Variants in LMBR1 observed in about 807,000 individuals in gnomAD.
The protein encoded by LMBR1 is limb development membrane protein 1.
Under a neutral mutation model 73.9 loss-of-function variants are expected in LMBR1, and 52 were observed. The observed-to-expected ratio is 0.70, with a 90% CI of 0.56 to 0.89. The LOEUF (loss-of-function observed/expected upper bound fraction) is 0.89. LMBR1 is among the 40% of genes least tolerant of loss of function. LMBR1 has a pLI of 0.00. For synonymous variants in LMBR1, 215 were observed against 209.4 expected (o/e 1.03, Z -0.23); for missense variants, 539 against 579.8 (o/e 0.93, Z 0.72).
chr7:156,808,475 CA>C (rs1385850074), intron 4 of LMBR1, among the ~76,000 whole-genome samples: 2 of 152,258 alleles, frequency 1.3e-5, no homozygotes, highest in East Asian at 3.9e-4. Flanking sequence ...TTTGTCTTTA[CA>C]GTGGGTATCC....
In LMBR1 at chr7:156,869,907, T is replaced by C. The variant is rs555060645; in HGVS notation, c.66+23021A>G. On this transcript the variant is annotated intron_variant, in intron 1 of 16. Coordinates refer to ENST00000353442, the MANE Select transcript of LMBR1 (RefSeq NM_022458.4). ...ACAAGACATTCATCATTTCTCATTA[T>C]AAAAAAGGACAAGTTTTTGTTTACA... Among the ~76,000 whole-genome samples, 10 of 152,130 alleles carry C rather than the reference T, an allele frequency of 6.6e-5. No individual in the cohort carries two copies. In the East Asian group the frequency reaches 1.9e-3, roughly 29 times the overall value.
rs147094304 is a variant in LMBR1, at chr7:156,792,548, A to T, written c.423+3841T>A. On this transcript the variant is annotated intron_variant, in intron 5 of 16. Transcript: ENST00000353442. ...ACACTTCAGAATTATAAAGTAAGGGAATAGCAAGGAGATGGTCCTAATAAA... is the reference window on the plus strand; with the variant it reads ...ACACTTCAGAATTATAAAGTAAGGGTATAGCAAGGAGATGGTCCTAATAAA... 5.3e-5 allele frequency among the ~76,000 whole-genome samples: 8 copies of T among 152,370 alleles called. No homozygotes were observed. In the East Asian group the frequency reaches 1.3e-3, roughly 26 times the overall value.
At chr7:156,736,173 T>C (rs865826897) in intron 9 of LMBR1, among the ~76,000 whole-genome samples, 5 of 152,316 alleles carry the variant, frequency 3.3e-5, no homozygotes, top group Middle Eastern at 3.4e-3. Flanking sequence ...AGCCGTGAAC[T>C]TTGATGAGCA....
chr7:156,819,552 T>C (rs1834433623), intron 4 of LMBR1, among the ~76,000 whole-genome samples: 1 of 152,176 alleles, frequency 6.6e-6, no homozygotes, highest in Admixed American at 6.5e-5. Context: ...ATTAAAGGAA[T>C]CTGAACATTT....
chr7:156,869,661 C>G (rs1798981090), intron 1 of LMBR1, among the ~76,000 whole-genome samples: 1 of 152,080 alleles, frequency 6.6e-6, no homozygotes, highest in Admixed American at 6.5e-5. Flanking sequence ...TCTTCCCTAT[C>G]AATAATCACT....
chr7:156,697,262 A>C (rs1011071714), intron 15 of LMBR1, among the ~76,000 whole-genome samples: 1 of 152,240 alleles, frequency 6.6e-6, no homozygotes, highest in Admixed American at 6.5e-5. Flanking sequence ...AGGATCTAAC[A>C]AAGATCACAT....
intron 4 of LMBR1, among the ~76,000 whole-genome samples, chr7:156,805,422 G>T (rs1358648385): frequency 6.6e-6 from 1 of 151,994 alleles, no homozygotes; most frequent in Non-Finnish European, 1.5e-5. Context: ...CACCATGTTG[G>T]TCAGGCTTGT....
At chr7:156,703,747 T>C (rs79152150) in intron 15 of LMBR1, among the ~76,000 whole-genome samples, 6,634 of 152,158 alleles carry the variant, frequency 0.044, 171 homozygotes, top group Non-Finnish European at 0.052. Flanking sequence ...CTGAGTACAA[T>C]TGCCCAGTCC....
chr7:156,873,016 T>C (rs555789313), intron 1 of LMBR1, among the ~76,000 whole-genome samples: 1 of 151,950 alleles, frequency 6.6e-6, no homozygotes, highest in South Asian at 2.1e-4. Context: ...GCTCTTAAGG[T>C]GGCGCGTTGG....
At chr7:156,740,260 GC>G (rs1373407089) in intron 9 of LMBR1, among the ~76,000 whole-genome samples, 1 of 152,056 alleles carries the variant, frequency 6.6e-6, no homozygotes, top group Non-Finnish European at 1.5e-5. Context: ...CTAGAAAATA[GC>G]CTAAAAGGAG....
At chr7:156,707,936 C>A (rs1363371966) in intron 15 of LMBR1, among the ~76,000 whole-genome samples, 1 of 151,796 alleles carries the variant, frequency 6.6e-6, no homozygotes, top group African/African-American at 2.4e-5. Flanking sequence ...TCTAGAAAAA[C>A]CTAATGGATC....
Position 156,744,352 on chromosome 7 carries a change from T to C in LMBR1, c.758-10095A>G, listed in dbSNP as rs547314819. Among the ~76,000 whole-genome samples, 8 of 152,236 alleles carry C rather than the reference T, an allele frequency of 5.3e-5. No individual in the cohort carries two copies. In the East Asian group the frequency reaches 9.6e-4, roughly 18 times the overall value. ...TGAAAGTTTGTAAGGGCTTTTTTTT[T>C]TTTCCATTGTTCTTGGAATTCAGGA... On this transcript the variant is annotated intron_variant, in intron 9 of 16. Coordinates refer to ENST00000353442, the MANE Select transcript of LMBR1 (RefSeq NM_022458.4).
At chr7:156,872,937 G>A (rs534152784) in intron 1 of LMBR1, among the ~76,000 whole-genome samples, 11 of 152,322 alleles carry the variant, frequency 7.2e-5, no homozygotes, top group East Asian at 1.9e-4. Context: ...AAATGTGTCC[G>A]GAATTGGTGG....
At chr7:156,701,591 T>C (rs984901599) in intron 15 of LMBR1, among the ~76,000 whole-genome samples, 1 of 152,240 alleles carries the variant, frequency 6.6e-6, no homozygotes, top group Admixed American at 6.5e-5. Context: ...CAACAGGAAC[T>C]CTCATTCTAT....
intron 10 of LMBR1, among the ~76,000 whole-genome samples, chr7:156,732,835 T>C (rs1246139587): frequency 6.6e-6 from 1 of 152,172 alleles, no homozygotes; most frequent in Admixed American, 6.5e-5. Flanking sequence ...CAGAACAAAG[T>C]TCCTCACTTA....
At chr7:156,701,175 C>T (rs1311304649) in intron 15 of LMBR1, among the ~76,000 whole-genome samples, 2 of 152,124 alleles carry the variant, frequency 1.3e-5, no homozygotes, top group Non-Finnish European at 2.9e-5. Flanking sequence ...GGCAAATAAT[C>T]ACATTAGTTA....
At chr7:156,753,323 C>G (rs1038930879) in intron 9 of LMBR1, among the ~76,000 whole-genome samples, 4 of 151,966 alleles carry the variant, frequency 2.6e-5, no homozygotes, top group Non-Finnish European at 4.4e-5. Flanking sequence ...GAGCAAATGA[C>G]AGGACTAGGT....
At chr7:156,887,893 C>G (rs1802189449) in intron 1 of LMBR1, among the ~76,000 whole-genome samples, 3 of 152,114 alleles carry the variant, frequency 2.0e-5, no homozygotes, top group Admixed American at 2.0e-4. Context: ...TCCATATAGT[C>G]AATAAGCACA....
intron 5 of LMBR1, among the ~76,000 whole-genome samples, chr7:156,774,195 T>A (rs563888167): frequency 1.3e-5 from 2 of 152,092 alleles, no homozygotes; most frequent in African/African-American, 2.4e-5. Flanking sequence ...ATGGCTATTA[T>A]TAAAAAGTCA....
Sources: gnomAD v4.1 joint callset for allele counts (sites outside exome capture counted in the v4.1 genomes callset) on GRCh38, gnomAD v4.1.1 for gene constraint, MANE v1.5 for transcripts, NCBI Gene and HGNC (gene_info 2026-07-23, HGNC 2026-07-21) for gene names.